CRLF3: variants seen among roughly 807,000 people sequenced by gnomAD.
The protein encoded by CRLF3 is cytokine receptor-like factor 3.
CRLF3 carries 33 observed loss-of-function variants against 55.0 expected under a neutral mutation model. The ratio of observed to expected loss-of-function variants is 0.60; its 90% CI spans 0.46 to 0.80. CRLF3 has a LOEUF of 0.80. CRLF3 is among the 30% of genes least tolerant of loss of function. The pLI is 0.00. For missense variants in CRLF3, 494 were observed against 538.4 expected (o/e 0.92, Z 0.82); for synonymous variants, 238 against 196.8 (o/e 1.21, Z -1.75).
Position 30,784,253 on chromosome 17 carries a change from C to G in CRLF3, c.1263G>C (p.Gln421His), listed in dbSNP as rs1430052319. ...REVVFDWLLD[Q>H]SCGSLYFGCS... is the part of the protein sequence containing the mutation. Reference sequence around the variant, plus strand: ...ATCCAAAGTAAAGAGAACCACAAGACTGATCAAGTAACCAGTCAAAAACCA... The same window carrying G: ...ATCCAAAGTAAAGAGAACCACAAGAGTGATCAAGTAACCAGTCAAAAACCA... Residue 421 changes from glutamine to histidine, a missense_variant, in exon 8 of 8, where the codon CAG (glutamine) becomes CAC (histidine). Physicochemically the swap from Gln to His is conservative, Grantham distance 24. Transcript: ENST00000324238. 3 of 1,613,772 alleles carry G rather than the reference C, an allele frequency of 1.9e-6. No individual in the cohort carries two copies. In the African/African-American group the frequency reaches 4.0e-5, roughly 22 times the overall value.
intron 1 of CRLF3, among the ~76,000 whole-genome samples, chr17:30,818,653 C>T (rs1904886945): frequency 6.6e-6 from 1 of 151,430 alleles, no homozygotes; most frequent in South Asian, 2.1e-4. Context: ...AGGTTTTCAT[C>T]GTATGGGTCA....
intron 6 of CRLF3, among the ~76,000 whole-genome samples, chr17:30,791,082 C>A (rs1971788411): frequency 6.6e-6 from 1 of 151,960 alleles, no homozygotes; most frequent in Non-Finnish European, 1.5e-5. Context: ...CCACACCCTG[C>A]TAATTTTTTT....
rs566530854 is a variant in CRLF3, at chr17:30,789,230, C to G, written c.960-3199G>C. On this transcript the variant is annotated intron_variant, in intron 6 of 7. Transcript: ENST00000324238. ...CCTGGTGATGCATCTTTAGGAGATG[C>G]AAGAGAGACTCAACAGTTTATTGAG... Among the ~76,000 whole-genome samples, 3 of 152,272 alleles carry G rather than the reference C, an allele frequency of 2.0e-5. No individual in the cohort carries two copies. In the East Asian group the frequency reaches 5.8e-4, roughly 29 times the overall value.
At chr17:30,792,595 A>C in intron 5 of CRLF3, 23 bp from the exon 6 acceptor site, 2 of 1,586,256 alleles carry the variant, frequency 1.3e-6, no homozygotes, top group East Asian at 4.5e-5. Flanking sequence ...AAAGATATTG[A>C]AAACTGTTAG....
At chr17:30,815,716 G>C (rs1248423079) in intron 1 of CRLF3, among the ~76,000 whole-genome samples, 5 of 148,088 alleles carry the variant, frequency 3.4e-5, no homozygotes. Flanking sequence ...TAACTTTTTT[G>C]TATTTTTAGT....
intron 1 of CRLF3, among the ~76,000 whole-genome samples, chr17:30,817,311 G>A (rs1904837064): frequency 1.3e-5 from 2 of 151,896 alleles, no homozygotes; most frequent in Admixed American, 1.3e-4. Flanking sequence ...GGTGGCATGC[G>A]CCTATAATCC....
chr17:30,798,900 G>A (rs1392338817), intron 2 of CRLF3, among the ~76,000 whole-genome samples: 1 of 152,044 alleles, frequency 6.6e-6, no homozygotes, highest in Non-Finnish European at 1.5e-5. Flanking sequence ...CTATCCCTCA[G>A]GAGAATAGGA....
In CRLF3 at chr17:30,823,116, C is replaced by A. The variant is rs528987172; in HGVS notation, c.129+1407G>T. ...GCGGTGGCTCACGTCTGTATCCCAGCACTTTGGGAGGCTGAGGCAGGTGGA... is the reference window on the plus strand; with the variant it reads ...GCGGTGGCTCACGTCTGTATCCCAGAACTTTGGGAGGCTGAGGCAGGTGGA... On this transcript the variant is annotated intron_variant, in intron 1 of 7. Transcript: ENST00000324238. Among the ~76,000 whole-genome samples the A allele has an allele frequency of 1.1e-4, 16 of 152,164 alleles. No homozygotes were observed. The South Asian group carries it at 3.1e-3, about 30-fold the overall frequency.
rs966530967 is a variant in CRLF3 at position 30,783,123 on chromosome 17, G to C, written c.*1064C>G. 1 of 152,168 alleles carries C rather than the reference G, an allele frequency of 6.6e-6. No homozygotes were observed. The highest frequency in any genetic ancestry group is 2.4e-5 in the African/African-American group (1 of 41,434). The allele number at this position is 152,168 out of a possible 1,614,324, so 9.4% of individuals were successfully genotyped here. A position where few individuals can be genotyped will look rare whatever the true frequency, so the allele number is the denominator to read the frequency against. Reference sequence around the variant, plus strand: ...TGGACTGCAGCTCATTCTCTGCAAAGAGTAAAATGCATGTCACAGGCAGAT... The same window carrying C: ...TGGACTGCAGCTCATTCTCTGCAAACAGTAAAATGCATGTCACAGGCAGAT... On this transcript the variant is annotated 3_prime_UTR_variant, in exon 8 of 8. Transcript: ENST00000324238.
intron 1 of CRLF3, among the ~76,000 whole-genome samples, chr17:30,823,672 T>C (rs1905059267): frequency 6.6e-6 from 1 of 152,082 alleles, no homozygotes; most frequent in Admixed American, 6.6e-5. Flanking sequence ...CAGCGGGTTA[T>C]ATCTTTTTCT....
chr17:30,793,086 A>G (rs185897591), intron 5 of CRLF3, among the ~76,000 whole-genome samples: 3 of 151,460 alleles, frequency 2.0e-5, no homozygotes, highest in Admixed American at 6.6e-5. Flanking sequence ...GTCAGGCTGC[A>G]TGATTGCACC....
At chr17:30,786,133 T>A in intron 6 of CRLF3, 102 bp from the exon 7 acceptor site, 1 of 698,626 alleles carries the variant, frequency 1.4e-6, no homozygotes, top group Non-Finnish European at 2.5e-6. Flanking sequence ...CACAATTGTT[T>A]TTTTCTAAAT....
chr17:30,788,445 A>C (rs1971701734), intron 6 of CRLF3, among the ~76,000 whole-genome samples: 1 of 151,792 alleles, frequency 6.6e-6, no homozygotes, highest in African/African-American at 2.4e-5. Context: ...ACCTGGAAGG[A>C]GGGGGTTGCT....
chr17:30,790,606 C>CTTTTTTT lies in CRLF3; in HGVS notation c.959+1827_959+1833dup, dbSNP rs573997612. 4.8e-4 allele frequency: 36 copies of CTTTTTTT among 75,650 alleles called. 2 individuals are homozygous for CTTTTTTT. The highest frequency in any genetic ancestry group is 1.8e-3 in the African/African-American group (35 of 19,726). 4.7% of individuals were successfully genotyped at this position (75,650 alleles called of 1,614,324 possible). A position where few individuals can be genotyped will look rare whatever the true frequency, so the allele number is the denominator to read the frequency against. On this transcript the variant is annotated intron_variant, in intron 6 of 7. Transcript: ENST00000324238. ...AATTCTTGGCCAGTAAATTTTTTTG[C>CTTTTTTT]TTTTTTTTTTTTTTTTTTTTTTTTT... is the stretch of plus-strand genomic sequence containing the variant.
chr17:30,810,701 T>C (rs1422603372), intron 1 of CRLF3, among the ~76,000 whole-genome samples: 3 of 152,238 alleles, frequency 2.0e-5, no homozygotes, highest in Admixed American at 2.0e-4. Context: ...CAAGTTTGTA[T>C]TTCAATACTA....
chr17:30,808,681 C>T (rs1436280943), intron 1 of CRLF3, among the ~76,000 whole-genome samples: 42 of 152,152 alleles, frequency 2.8e-4, no homozygotes. Context: ...CAACCTCCGC[C>T]TCCCAGGTTC....
chr17:30,813,624 A>G lies in CRLF3; in HGVS notation c.130-9516T>C, dbSNP rs138072177. 4.2e-3 allele frequency among the ~76,000 whole-genome samples: 643 copies of G among 151,984 alleles called. 6 individuals carry two copies. The highest frequency in any genetic ancestry group is 0.012 in the African/African-American group (484 of 41,464). ...GCTAAGCGTTTTTTTTTTAATAACT[A>G]TAAGTTTTAGGGTACATGTGCACAA... On this transcript the variant is annotated intron_variant, in intron 1 of 7. Transcript: ENST00000324238.
At chr17:30,795,310 G>C (rs1338279937) in intron 4 of CRLF3, among the ~76,000 whole-genome samples, 2 of 149,462 alleles carry the variant, frequency 1.3e-5, no homozygotes, top group South Asian at 2.1e-4. Context: ...GAGAAACTCT[G>C]TCTCTACTAA....
chr17:30,783,900 G>T lies in CRLF3; in HGVS notation c.*287C>A, dbSNP rs967576948. 4.0e-5 allele frequency: 11 copies of T among 272,920 alleles called. No homozygotes were observed. The East Asian group carries it at 6.3e-4, about 16-fold the overall frequency. 16.9% of individuals were successfully genotyped at this position (272,920 alleles called of 1,614,324 possible). On this transcript the variant is annotated 3_prime_UTR_variant, in exon 8 of 8. Transcript: ENST00000324238. ...ATAACCAACTTTGAGAAGTACAGTG[G>T]AAGGGTATAGAACTTCCTATATCTT...
Sources: allele counts gnomAD v4.1 joint callset (sites outside exome capture counted in the v4.1 genomes callset), GRCh38; gene constraint gnomAD v4.1.1; transcripts MANE v1.5; gene names NCBI Gene and HGNC (gene_info 2026-07-23, HGNC 2026-07-21).